The following TRIP12 variants were observed in gnomAD, a reference collection of about 807,000 sequenced individuals.
TRIP12 encodes E3 ubiquitin-protein ligase TRIP12.
Under a neutral mutation model 244.2 loss-of-function variants are expected in TRIP12, and 25 were observed. The ratio of observed to expected loss-of-function variants is 0.10; its 90% CI spans 0.07 to 0.14. The LOEUF (loss-of-function observed/expected upper bound fraction) is 0.14, where lower values mean the gene tolerates loss of function less well. Ranked by LOEUF, TRIP12 falls within the 10% of genes least tolerant of loss-of-function variation. TRIP12 has a pLI of 1.00. For missense variants in TRIP12, 1,677 were observed against 2,486.4 expected, an observed-to-expected ratio of 0.67 and a Z score of 6.92; for synonymous variants, 905 against 873.1, an observed-to-expected ratio of 1.04 and a Z score of -0.64.
At chr2:229,826,547 T>C (rs2051657142) in intron 8 of TRIP12, among the ~76,000 whole-genome samples, 1 of 152,216 alleles carries the variant, frequency 6.6e-6, no homozygotes. Flanking sequence ...AGATTAAAAT[T>C]AGGTGTCACT....
Position 229,863,334 on chromosome 2 carries a change from A to G in TRIP12, c.99-2803T>C, listed in dbSNP as rs540042654. Among the ~76,000 whole-genome samples the G allele has an allele frequency of 1.2e-3, 176 of 152,238 alleles. 1 individual carries two copies. The highest frequency in any genetic ancestry group is 3.9e-3 in the African/African-American group (161 of 41,550). On this transcript the variant is annotated intron_variant, in intron 2 of 41. Transcript: ENST00000675903. The stretch of plus-strand genomic sequence containing the variant: ...ATATTCTAAGGACTGTTTAAAAAAT[A>G]TATTTTAAAAATATAAAATATTGAT...
Position 229,769,257 on chromosome 2 carries a change from C to A in TRIP12, c.5877G>T (p.Arg1959Ser). Residue 1959 changes from arginine (R) to serine (S), a missense_variant, in exon 40 of 42, where the codon AGG (arginine) becomes AGT (serine). By Grantham distance (110) the Arg-to-Ser change is moderately radical. Coordinates refer to ENST00000675903, the MANE Select transcript of TRIP12 (RefSeq NM_001348323.3). ...WDAKTLMECC[R>S]PDHGYTHDSR... Reference sequence around the variant, plus strand: ...TGTCATGAGTATAACCATGATCAGGCCTACAGCATTCCATCAGTGTCTTTG... The same window carrying A: ...TGTCATGAGTATAACCATGATCAGGACTACAGCATTCCATCAGTGTCTTTG... 6.2e-7 allele frequency: 1 copy of A among 1,613,992 alleles called. No homozygotes were observed. The highest frequency in any genetic ancestry group is 1.6e-4 in the Middle Eastern group (1 of 6,062).
At chr2:229,846,905 T>A (rs1415258823) in intron 4 of TRIP12, among the ~76,000 whole-genome samples, 2 of 152,200 alleles carry the variant, frequency 1.3e-5, no homozygotes, top group Admixed American at 1.3e-4. Context: ...GCAGTATTTA[T>A]AATGAGGAGA....
chr2:229,802,270 A>G lies in TRIP12; in HGVS notation c.3188T>C (p.Leu1063Ser). ...TACTTACCCTTGAGGGCTGAGATCT[A>G]AAGAATCATCCCTGCTGTGCTGCAA... is the stretch of plus-strand genomic sequence containing the variant. ...PSLQHSRDDS[L>S]DLSPQGRLSD... The change falls in exon 21 of 42, where the codon TTA becomes TCA. Residue 1063 changes from leucine to serine, a missense_variant. Leu to Ser is a moderately radical substitution (Grantham distance 145). Coordinates refer to ENST00000675903, the MANE Select transcript of TRIP12 (RefSeq NM_001348323.3). The G allele has an allele frequency of 6.2e-7, 1 of 1,602,676 alleles. No individual in the cohort carries two copies. Among genetic ancestry groups the G allele is most frequent in the Non-Finnish European group, 8.5e-7 (1 of 1,171,246 alleles).
At chr2:229,920,063 A>AC (rs1042004112) in intron 1 of TRIP12, among the ~76,000 whole-genome samples, 2 of 151,232 alleles carry the variant, frequency 1.3e-5, no homozygotes, top group African/African-American at 4.9e-5. Context: ...CCATTCCTCA[A>AC]CCCCCCCGGG....
chr2:229,896,589 G>C (rs1034994612), intron 1 of TRIP12, among the ~76,000 whole-genome samples: 3 of 152,120 alleles, frequency 2.0e-5, no homozygotes, highest in Admixed American at 6.5e-5. Flanking sequence ...TCCACCCTGG[G>C]TGACAGAGCA....
At position 229,840,875 on chromosome 2, in the gene TRIP12, G is replaced by A; in HGVS notation, c.1080C>T (p.Pro360=). 1.9e-6 allele frequency: 3 copies of A among 1,610,458 alleles called. No individual in the cohort carries two copies. Among genetic ancestry groups the A allele is most frequent in the East Asian group, 2.2e-5 (1 of 44,806 alleles). Residue 360 remains proline (P), a synonymous_variant, in exon 5 of 42, where the codon CCC becomes CCT. Coordinates refer to ENST00000675903, the MANE Select transcript of TRIP12 (RefSeq NM_001348323.3). ...TTTGGCGTGTGCTCCGCCTCAAACTGGGGAGCTCAGCAGGTGGAGACTCAC... is the reference window on the plus strand; with the variant it reads ...TTTGGCGTGTGCTCCGCCTCAAACTAGGGAGCTCAGCAGGTGGAGACTCAC... ...KRSESPPAEL[P]SLRRSTRQKT...
chr2:229,880,921 G>A (rs776396104), intron 1 of TRIP12, among the ~76,000 whole-genome samples: 1 of 152,144 alleles, frequency 6.6e-6, no homozygotes, highest in Non-Finnish European at 1.5e-5. Flanking sequence ...TCCAGCCTGG[G>A]CAACAGAGTG....
intron 9 of TRIP12, among the ~76,000 whole-genome samples, chr2:229,816,882 G>C (rs1044524254): frequency 6.6e-6 from 1 of 152,182 alleles, no homozygotes; most frequent in Non-Finnish European, 1.5e-5. Context: ...ACTGAGAATG[G>C]ACATTAACAC....
Position 229,858,842 on chromosome 2 carries a change from C to G in TRIP12, c.957G>C (p.Leu319=). 2 of 1,614,144 alleles carry G rather than the reference C, an allele frequency of 1.2e-6. No individual in the cohort carries two copies. Among genetic ancestry groups the G allele is most frequent in the Non-Finnish European group, 1.7e-6 (2 of 1,179,982 alleles). The change falls in exon 4 of 42, where the codon CTG becomes CTC. Residue 319 remains leucine (L), a synonymous_variant. Coordinates refer to ENST00000675903, the MANE Select transcript of TRIP12 (RefSeq NM_001348323.3). ...CTGACTTAGAAGACCCTGGAAGAGA[C>G]AGTTTTGTTTTAGGAAGGCTAACTT... ...SPKVSLPKTK[L]SLPGSSKSET...
At chr2:229,899,810 G>A (rs1010495617) in intron 1 of TRIP12, among the ~76,000 whole-genome samples, 1 of 152,204 alleles carries the variant, frequency 6.6e-6, no homozygotes, top group African/African-American at 2.4e-5. Flanking sequence ...AGGTCTAGGG[G>A]CATGAATGAA....
chr2:229,889,668 AT>A (rs980304589), intron 1 of TRIP12, among the ~76,000 whole-genome samples: 10 of 152,142 alleles, frequency 6.6e-5, no homozygotes, highest in African/African-American at 2.4e-4. Flanking sequence ...TCAGTTCCAA[AT>A]TTTTTAAGAC....
At chr2:229,808,123 C>A in intron 16 of TRIP12, 129 bp downstream of exon 16, 1 of 748,594 alleles carries the variant, frequency 1.3e-6, no homozygotes, top group Non-Finnish European at 2.2e-6. Context: ...CCCGCCACTA[C>A]GCCCAGGTAA....
At chr2:229,890,818 T>G (rs2067167498) in intron 1 of TRIP12, among the ~76,000 whole-genome samples, 1 of 152,220 alleles carries the variant, frequency 6.6e-6, no homozygotes, top group South Asian at 2.1e-4. Context: ...CATTTAGCAT[T>G]TTTACCAAAA....
chr2:229,888,910 C>G (rs1422009399), intron 1 of TRIP12, among the ~76,000 whole-genome samples: 1 of 152,020 alleles, frequency 6.6e-6, no homozygotes, highest in Admixed American at 6.6e-5. Flanking sequence ...AAGTGCTAGA[C>G]TTTATAAAGA....
chr2:229,799,478 G>A (rs2043669935), intron 21 of TRIP12, 95 bp from the exon 22 acceptor site: 3 of 1,153,944 alleles, frequency 2.6e-6, no homozygotes, highest in Non-Finnish European at 3.9e-6. Context: ...GAAACAGGGA[G>A]TAATAAAATA....
Position 229,769,709 on chromosome 2 carries a change from A to G in TRIP12, c.5809-384T>C, listed in dbSNP as rs376680233. Among the ~76,000 whole-genome samples, 19 of 152,190 alleles carry G rather than the reference A, an allele frequency of 1.2e-4. No individual in the cohort carries two copies. The South Asian group carries it at 3.9e-3, about 32-fold the overall frequency. On this transcript the variant is annotated intron_variant, in intron 39 of 41. Transcript: ENST00000675903. ...TCCTGGCTTTCAGAAACACAAAGGT[A>G]TACAGTAACAGATGCCAAGGGAGAG...
chr2:229,812,252 TTTA>T (rs2047443414), intron 13 of TRIP12, among the ~76,000 whole-genome samples: 1 of 151,966 alleles, frequency 6.6e-6, no homozygotes, highest in Non-Finnish European at 1.5e-5. Flanking sequence ...CGGCTAATTT[TTTA>T]TTTTTAGTAC....
chr2:229,803,824 C>A, intron 19 of TRIP12, 135 bp from the exon 20 acceptor site: 1 of 864,794 alleles, frequency 1.2e-6, no homozygotes, highest in Non-Finnish European at 1.8e-6. Context: ...TTCTTAAATG[C>A]TCAAGTTTTA....
Sources: gnomAD v4.1 joint callset for allele counts (sites outside exome capture counted in the v4.1 genomes callset) on GRCh38, gnomAD v4.1.1 for gene constraint, MANE v1.5 for transcripts, NCBI Gene and HGNC (gene_info 2026-07-23, HGNC 2026-07-21) for gene names.